Variants in SNTG1 observed in about 807,000 individuals in gnomAD.
SNTG1 encodes the protein syntrophin gamma 1.
In SNTG1, 39 loss-of-function variants were observed where a neutral mutation model predicts 74.7. That is an observed-to-expected ratio of 0.52 (90% confidence interval 0.40 to 0.68). The LOEUF is 0.68. Among genes scored for constraint, SNTG1 ranks in the 30% least tolerant of loss-of-function variants. The pLI is 0.00. For synonymous variants in SNTG1, 254 were observed against 217.1 expected, an observed-to-expected ratio of 1.17 and a Z score of -1.49; for missense variants, 685 against 609.5, an observed-to-expected ratio of 1.12 and a Z score of -1.30.
At chr8:50,230,471 A>C (rs2085560195) in intron 2 of SNTG1, among the ~76,000 whole-genome samples, 1 of 151,406 alleles carries the variant, frequency 6.6e-6, no homozygotes, top group South Asian at 2.1e-4. Flanking sequence ...TGGATCAATT[A>C]CATTAAAAGG....
At chr8:50,648,791 A>G (rs1237555787) in intron 13 of SNTG1, among the ~76,000 whole-genome samples, 1 of 152,152 alleles carries the variant, frequency 6.6e-6, no homozygotes, top group Non-Finnish European at 1.5e-5. Context: ...AAGAGAGTCT[A>G]TTGTTAGCCA....
chr8:50,273,330 G>T (rs750065571), intron 2 of SNTG1, among the ~76,000 whole-genome samples: 103 of 152,180 alleles, frequency 6.8e-4, no homozygotes, highest in Non-Finnish European at 1.4e-3. Flanking sequence ...TCTGACAGAA[G>T]TCTGCACAAA....
At chr8:50,711,467 C>A (rs183080973) in intron 17 of SNTG1, among the ~76,000 whole-genome samples, 60 of 152,198 alleles carry the variant, frequency 3.9e-4, no homozygotes, top group African/African-American at 1.4e-3. Flanking sequence ...AAGGGGTGGA[C>A]TCTATTCTGG....
chr8:50,682,365 G>A (rs1054816102), intron 15 of SNTG1, among the ~76,000 whole-genome samples: 2 of 152,028 alleles, frequency 1.3e-5, no homozygotes, highest in African/African-American at 4.8e-5. Context: ...TACAGAACAG[G>A]TGACTCAGGA....
At chr8:50,242,025 C>G (rs751916394) in intron 2 of SNTG1, among the ~76,000 whole-genome samples, 1 of 151,540 alleles carries the variant, frequency 6.6e-6, no homozygotes, top group Admixed American at 6.6e-5. Flanking sequence ...TCCTTCCTCT[C>G]GATGGATCAC....
intron 15 of SNTG1, among the ~76,000 whole-genome samples, chr8:50,668,224 T>C (rs1029665120): frequency 6.6e-6 from 1 of 152,016 alleles, no homozygotes; most frequent in South Asian, 2.1e-4. Flanking sequence ...TTTTATCACA[T>C]ATCCTTTTGT....
At position 50,379,557 on chromosome 8, in the gene SNTG1, T is replaced by C. The variant is rs2092447587; in HGVS notation, c.-27-14655T>C. 3.9e-5 allele frequency among the ~76,000 whole-genome samples: 6 copies of C among 152,148 alleles called. No homozygotes were observed. In the South Asian group the frequency reaches 1.0e-3, roughly 26 times the overall value. On this transcript the variant is annotated intron_variant, in intron 2 of 18. Transcript: ENST00000642720. The stretch of plus-strand genomic sequence containing the variant: ...TTTGAAGGGGCAGAGCTCCCACTTT[T>C]TCCTGGCTCCCACCACTCCATGGAG...
At chr8:50,053,199 T>C (rs898712842) in intron 1 of SNTG1, among the ~76,000 whole-genome samples, 27 of 152,238 alleles carry the variant, frequency 1.8e-4, no homozygotes, top group Admixed American at 5.9e-4. Flanking sequence ...AACTGATGAA[T>C]GGATGAACAA....
At chr8:50,715,521 A>G (rs2095472969) in intron 17 of SNTG1, among the ~76,000 whole-genome samples, 1 of 152,230 alleles carries the variant, frequency 6.6e-6, no homozygotes, top group African/African-American at 2.4e-5. Flanking sequence ...TAACAGATCT[A>G]TGAAGATAAT....
Position 50,661,701 on chromosome 8 carries a change from T to C in SNTG1, c.1038+3038T>C, listed in dbSNP as rs574565851. On this transcript the variant is annotated intron_variant, in intron 15 of 18. Coordinates refer to ENST00000642720, the MANE Select transcript of SNTG1 (RefSeq NM_018967.5). ...TTTGTCCTAATGATGTCTCTCCCCTTGCCCCCAACCTCCCAACAGGCCCTG... is the reference window on the plus strand; with the variant it reads ...TTTGTCCTAATGATGTCTCTCCCCTCGCCCCCAACCTCCCAACAGGCCCTG... 2.1e-4 allele frequency among the ~76,000 whole-genome samples: 32 copies of C among 152,226 alleles called. 1 individual carries two copies. The highest frequency in any genetic ancestry group is 7.0e-4 in the African/African-American group (29 of 41,552).
intron 15 of SNTG1, among the ~76,000 whole-genome samples, chr8:50,700,561 G>C (rs1215747682): frequency 6.6e-6 from 1 of 152,036 alleles, no homozygotes; most frequent in Non-Finnish European, 1.5e-5. Context: ...TTCCTGGCAG[G>C]TGCATTCTAT....
chr8:50,231,257 A>T (rs2132064301), intron 2 of SNTG1, among the ~76,000 whole-genome samples: 1 of 151,528 alleles, frequency 6.6e-6, no homozygotes, highest in Non-Finnish European at 1.5e-5. Flanking sequence ...GATATGAGAA[A>T]AGGGAACCCT....
At position 50,795,564 on chromosome 8, in the gene SNTG1, GGT is replaced by G. The variant is rs911188178; in HGVS notation, c.*2742_*2743del. On this transcript the variant is annotated 3_prime_UTR_variant, in exon 19 of 19. Transcript: ENST00000642720. Reference sequence around the variant, plus strand: ...ATGTGTGAGCGTGTATGTGTGTTTGGGTGTGTGTCTGTGTATGTGTGTGAGTG... The same window carrying G: ...ATGTGTGAGCGTGTATGTGTGTTTGGGTGTGTCTGTGTATGTGTGTGAGTG... The G allele has an allele frequency of 2.0e-5, 3 of 151,636 alleles. No homozygotes were observed. The highest frequency in any genetic ancestry group is 2.0e-4 in the Admixed American group (3 of 15,184). 9.4% of individuals were successfully genotyped at this position (151,636 alleles called of 1,614,324 possible).
chr8:50,519,906 A>G (rs531134337), intron 9 of SNTG1, among the ~76,000 whole-genome samples: 122 of 150,684 alleles, frequency 8.1e-4, no homozygotes, highest in Non-Finnish European at 1.1e-3. Context: ...TCAAGCTACC[A>G]TTGACTTTCT....
chr8:50,744,859 T>C (rs1585693201), intron 17 of SNTG1, among the ~76,000 whole-genome samples: 1 of 151,974 alleles, frequency 6.6e-6, no homozygotes, highest in Non-Finnish European at 1.5e-5. Flanking sequence ...TGCAAAAGGA[T>C]AAAGTTAGAC....
At chr8:50,186,866 T>C (rs1390436163) in intron 2 of SNTG1, among the ~76,000 whole-genome samples, 1 of 152,176 alleles carries the variant, frequency 6.6e-6, no homozygotes, top group Non-Finnish European at 1.5e-5. Flanking sequence ...TGGTTTCTTT[T>C]GCTGTGCAGA....
rs539969486 is a variant in SNTG1 at position 50,313,376 on chromosome 8, G to A, written c.-27-80836G>A. ...AGGAAACAATTTAACAGGGCAGAAA[G>A]ACAACCATAGATAGAGAAAAATATT... is the stretch of plus-strand genomic sequence containing the variant. On this transcript the variant is annotated intron_variant, in intron 2 of 18. Transcript: ENST00000642720. 2.6e-3 allele frequency among the ~76,000 whole-genome samples: 390 copies of A among 149,754 alleles called. 8 individuals are homozygous for A. The highest frequency in any genetic ancestry group is 0.015 in the South Asian group (67 of 4,500).
At chr8:50,650,208 A>G (rs961290251) in intron 13 of SNTG1, among the ~76,000 whole-genome samples, 1 of 152,130 alleles carries the variant, frequency 6.6e-6, no homozygotes, top group Admixed American at 6.6e-5. Flanking sequence ...TATCATGAAT[A>G]CATGTTGAAT....
chr8:50,727,529 C>G (rs150591200), intron 17 of SNTG1, among the ~76,000 whole-genome samples: 3,815 of 152,238 alleles, frequency 0.025, 63 homozygotes, highest in Middle Eastern at 0.041. Flanking sequence ...TAAAGTGGGC[C>G]CATCCAGGTG....
Sources: allele counts gnomAD v4.1 joint callset (sites outside exome capture counted in the v4.1 genomes callset), GRCh38; gene constraint gnomAD v4.1.1; transcripts MANE v1.5; gene names NCBI Gene and HGNC (gene_info 2026-07-23, HGNC 2026-07-21).